The following DLG2 variants were observed in gnomAD, a reference collection of about 807,000 sequenced individuals.
The protein encoded by DLG2 is discs large MAGUK scaffold protein 2, also known as disks large homolog 2.
DLG2 carries 45 observed loss-of-function variants against 132.5 expected under a neutral mutation model. The observed-to-expected ratio is 0.34, with a 90% confidence interval of 0.27 to 0.44. The LOEUF is 0.44. DLG2 is among the 20% of genes least tolerant of loss of function. The pLI is 1.00. For synonymous variants in DLG2, 424 were observed against 419.6 expected (o/e 1.01, Z -0.13); for missense variants, 1,045 against 1,196.9 (o/e 0.87, Z 1.87).
At chr11:84,368,623 G>A (rs2098693784) in intron 7 of DLG2, among the ~76,000 whole-genome samples, 1 of 152,038 alleles carries the variant, frequency 6.6e-6, no homozygotes, top group African/African-American at 2.4e-5. Flanking sequence ...CATCCTGGTT[G>A]TATTTATTAG....
chr11:84,356,081 G>A (rs1206309766), intron 7 of DLG2, among the ~76,000 whole-genome samples: 1 of 152,066 alleles, frequency 6.6e-6, no homozygotes, highest in Non-Finnish European at 1.5e-5. Flanking sequence ...CAACATCAAA[G>A]GGTATGGGAC....
intron 3 of DLG2, among the ~76,000 whole-genome samples, chr11:85,564,304 GGGGCCCT>G (rs940104464): frequency 6.6e-6 from 1 of 151,474 alleles, no homozygotes; most frequent in Non-Finnish European, 1.5e-5. Context: ...TCATGCACTG[GGGGCCCT>G]GAAAAATCTT....
intron 6 of DLG2, among the ~76,000 whole-genome samples, chr11:84,814,033 C>T (rs1208574851): frequency 6.6e-6 from 1 of 152,080 alleles, no homozygotes; most frequent in Non-Finnish European, 1.5e-5. Context: ...GAGAAATAGT[C>T]TATTTGATTC....
intron 3 of DLG2, among the ~76,000 whole-genome samples, chr11:85,547,863 G>T (rs895440033): frequency 6.6e-6 from 1 of 151,946 alleles, no homozygotes; most frequent in Non-Finnish European, 1.5e-5. Flanking sequence ...CTCTAAACTG[G>T]TTATTCTAGT....
intron 4 of DLG2, among the ~76,000 whole-genome samples, chr11:85,180,143 G>A (rs2079591947): frequency 6.6e-6 from 1 of 151,788 alleles, no homozygotes; most frequent in African/African-American, 2.4e-5. Context: ...TATTTTAAGT[G>A]AAAAAGTATG....
intron 6 of DLG2, among the ~76,000 whole-genome samples, chr11:84,983,185 C>T (rs1388507319): frequency 1.3e-5 from 2 of 152,124 alleles, no homozygotes; most frequent in Non-Finnish European, 2.9e-5. Flanking sequence ...TGCAGGAATA[C>T]ACTAGGAAAG....
At chr11:84,593,650 G>A (rs2099549500) in intron 6 of DLG2, among the ~76,000 whole-genome samples, 1 of 152,160 alleles carries the variant, frequency 6.6e-6, no homozygotes, top group African/African-American at 2.4e-5. Flanking sequence ...CCTGTCAGGG[G>A]TTGGGAGGCT....
chr11:83,829,432 G>A (rs1243519255), intron 17 of DLG2, among the ~76,000 whole-genome samples: 1 of 151,982 alleles, frequency 6.6e-6, no homozygotes, highest in African/African-American at 2.4e-5. Flanking sequence ...CCTGACCTCA[G>A]GTGATCTGCC....
intron 8 of DLG2, among the ~76,000 whole-genome samples, chr11:84,234,083 A>G (rs2097128721): frequency 6.6e-6 from 1 of 152,150 alleles, no homozygotes; most frequent in Non-Finnish European, 1.5e-5. Context: ...AATGCCTCAC[A>G]TGCAGCACCT....
intron 3 of DLG2, among the ~76,000 whole-genome samples, chr11:85,587,363 T>C (rs138676319): frequency 5.5e-4 from 84 of 152,320 alleles, no homozygotes; most frequent in African/African-American, 1.8e-3. Flanking sequence ...ATAATTATTT[T>C]ATAAATTTGG....
intron 3 of DLG2, among the ~76,000 whole-genome samples, chr11:85,364,833 T>C: frequency 6.6e-6 from 1 of 152,178 alleles, no homozygotes; most frequent in Non-Finnish European, 1.5e-5. Flanking sequence ...TTTAATTTAG[T>C]TTTATCACAT....
At chr11:84,450,869 A>C (rs997109542) in intron 7 of DLG2, among the ~76,000 whole-genome samples, 2 of 150,782 alleles carry the variant, frequency 1.3e-5, no homozygotes, top group Non-Finnish European at 3.0e-5. Context: ...CCTGGTGCAT[A>C]ATAAGTGTTC....
intron 6 of DLG2, among the ~76,000 whole-genome samples, chr11:84,712,750 T>C (rs562707600): frequency 1.3e-4 from 20 of 152,274 alleles, no homozygotes; most frequent in South Asian, 8.3e-4. Context: ...ACTTAATTTT[T>C]ACAACAGTCC....
In DLG2 at chr11:83,994,834, G is replaced by C. The variant is rs1245618442; in HGVS notation, c.920-14192C>G. On this transcript the variant is annotated intron_variant, in intron 11 of 27. Coordinates refer to ENST00000376104, the MANE Select transcript of DLG2 (RefSeq NM_001142699.3). ...GGTTGAGTCCTCCTGAAAGCTATAAGAGTAAATCTATTCCATGCCCCTCTT... is the reference window on the plus strand; with the variant it reads ...GGTTGAGTCCTCCTGAAAGCTATAACAGTAAATCTATTCCATGCCCCTCTT... Among the ~76,000 whole-genome samples, 17 of 152,244 alleles carry C rather than the reference G, an allele frequency of 1.1e-4. No individual in the cohort carries two copies. In the East Asian group the frequency reaches 3.1e-3, roughly 28 times the overall value.
intron 3 of DLG2, among the ~76,000 whole-genome samples, chr11:85,527,830 C>A (rs1357588348): frequency 6.6e-6 from 1 of 152,196 alleles, no homozygotes; most frequent in East Asian, 1.9e-4. Flanking sequence ...AAAAGTGTTT[C>A]TATTTCTCCA....
intron 18 of DLG2, among the ~76,000 whole-genome samples, chr11:83,708,226 A>G (rs1042273011): frequency 2.0e-5 from 3 of 152,234 alleles, no homozygotes; most frequent in African/African-American, 7.2e-5. Context: ...ACAGTGGCAC[A>G]TATGGGAAAA....
At chr11:84,794,153 CA>C (rs778614268) in intron 6 of DLG2, among the ~76,000 whole-genome samples, 1 of 152,094 alleles carries the variant, frequency 6.6e-6, no homozygotes, top group African/African-American at 2.4e-5. Flanking sequence ...ATTACATAAA[CA>C]AACTAATAAG....
intron 7 of DLG2, among the ~76,000 whole-genome samples, chr11:84,434,299 T>C (rs1466500847): frequency 6.6e-6 from 1 of 152,180 alleles, no homozygotes; most frequent in Non-Finnish European, 1.5e-5. Flanking sequence ...ACTTTGATTC[T>C]GTAAACATTA....
chr11:85,374,615 C>T (rs946124966), intron 3 of DLG2, among the ~76,000 whole-genome samples: 1 of 152,142 alleles, frequency 6.6e-6, no homozygotes. Flanking sequence ...TCCCTAAGTG[C>T]TGCAATTACA....
Sources: allele counts gnomAD v4.1 joint callset (sites outside exome capture counted in the v4.1 genomes callset), GRCh38; gene constraint gnomAD v4.1.1; transcripts MANE v1.5; gene names NCBI Gene and HGNC (gene_info 2026-07-23, HGNC 2026-07-21).